The following SHB variants were observed in gnomAD, a reference collection of about 807,000 sequenced individuals.
SHB encodes the protein SH2 domain containing adaptor protein B.
A neutral mutation model predicts 52.3 loss-of-function variants in SHB; 20 were observed. The observed-to-expected ratio is 0.38, with a 90% CI of 0.27 to 0.56. The LOEUF is 0.56. Among genes scored for constraint, SHB ranks in the 20% least tolerant of loss-of-function variants. The probability of loss-of-function intolerance (pLI) is 0.71; values close to 1 mark genes in which losing one functional copy is unlikely to be tolerated. For synonymous variants in SHB, 397 were observed against 316.5 expected, an observed-to-expected ratio of 1.25 and a Z score of -2.70; for missense variants, 825 against 723.3, an observed-to-expected ratio of 1.14 and a Z score of -1.61.
At chr9:37,929,726 G>A (rs1158713967) in intron 5 of SHB, among the ~76,000 whole-genome samples, 4 of 152,228 alleles carry the variant, frequency 2.6e-5, no homozygotes, top group Non-Finnish European at 5.9e-5. Context: ...GGCGTTTACT[G>A]CCCTGAGATC....
chr9:37,966,739 T>G (rs2117945940), intron 3 of SHB, among the ~76,000 whole-genome samples: 1 of 152,200 alleles, frequency 6.6e-6, no homozygotes, highest in Admixed American at 6.5e-5. Context: ...GGACAGGTGG[T>G]GGTGGTGGCC....
At chr9:37,935,496 C>T (rs544561404) in intron 5 of SHB, among the ~76,000 whole-genome samples, 10 of 152,282 alleles carry the variant, frequency 6.6e-5, no homozygotes, top group Admixed American at 1.3e-4. Context: ...GCTATGGCCA[C>T]AGGTGAGCCC....
At chr9:38,063,593 C>A (rs1191574364) in intron 1 of SHB, among the ~76,000 whole-genome samples, 1 of 152,208 alleles carries the variant, frequency 6.6e-6, no homozygotes, top group Non-Finnish European at 1.5e-5. Flanking sequence ...AAGTTCAGGC[C>A]CTCCCAACCC....
chr9:37,999,631 T>A (rs1017045277), intron 2 of SHB, among the ~76,000 whole-genome samples: 3 of 152,098 alleles, frequency 2.0e-5, no homozygotes, highest in Admixed American at 6.5e-5. Flanking sequence ...TGACAGAGAC[T>A]GGGGACAAAC....
chr9:37,943,217 G>A (rs1462406532), intron 5 of SHB, among the ~76,000 whole-genome samples: 1 of 152,128 alleles, frequency 6.6e-6, no homozygotes, highest in Non-Finnish European at 1.5e-5. Flanking sequence ...TTTAAGACCT[G>A]CTCATCCTTC....
intron 3 of SHB, among the ~76,000 whole-genome samples, chr9:37,971,700 C>T (rs1820591926): frequency 6.6e-6 from 1 of 152,242 alleles, no homozygotes; most frequent in Non-Finnish European, 1.5e-5. Flanking sequence ...ATAACTCAGA[C>T]TGACCGTGAC....
At position 37,963,206 on chromosome 9, in the gene SHB, C is replaced by T. The variant is rs148496180; in HGVS notation, c.1055-7152G>A. Among the ~76,000 whole-genome samples the T allele has an allele frequency of 1.7e-3, 256 of 152,298 alleles. 1 individual carries two copies. Among genetic ancestry groups the T allele is most frequent in the Admixed American group, 2.6e-3 (40 of 15,292 alleles). ...GGGGGTCATTCAAAGAGAACTGGAA[C>T]GGAGCAACAGGACCCAGAGGAGACT... On this transcript the variant is annotated intron_variant, in intron 3 of 5. Transcript: ENST00000377707.
At chr9:38,063,773 G>A (rs942056943) in intron 1 of SHB, among the ~76,000 whole-genome samples, 1 of 148,350 alleles carries the variant, frequency 6.7e-6, no homozygotes, top group Non-Finnish European at 1.5e-5. Context: ...CTAGCAGGCA[G>A]TTTAGAAACT....
intron 3 of SHB, among the ~76,000 whole-genome samples, chr9:37,973,011 G>C (rs1820609823): frequency 6.6e-6 from 1 of 152,216 alleles, no homozygotes; most frequent in South Asian, 2.1e-4. Flanking sequence ...TAAACTCTGA[G>C]ATACCTAAAC....
chr9:38,023,355 G>T (rs146490194), intron 1 of SHB, among the ~76,000 whole-genome samples: 1 of 152,290 alleles, frequency 6.6e-6, no homozygotes, highest in East Asian at 1.9e-4. Context: ...CATAAACGTT[G>T]TAAGGAGCAA....
At chr9:37,947,712 C>T (rs543133211) in intron 5 of SHB, among the ~76,000 whole-genome samples, 27 of 152,320 alleles carry the variant, frequency 1.8e-4, no homozygotes, top group Middle Eastern at 6.8e-3. Context: ...TCTACAGGGC[C>T]GGCATGTGTG....
chr9:38,004,764 G>A (rs1373466919), intron 2 of SHB, among the ~76,000 whole-genome samples: 2 of 152,216 alleles, frequency 1.3e-5, no homozygotes, highest in Non-Finnish European at 2.9e-5. Flanking sequence ...CAGCGTCCAC[G>A]CAGAGACTCG....
rs1171185224 is a variant in SHB, at chr9:37,916,957, G to A, written c.*2864C>T. On this transcript the variant is annotated 3_prime_UTR_variant, in exon 6 of 6. Coordinates refer to ENST00000377707, the MANE Select transcript of SHB (RefSeq NM_003028.3). ...GGTTCTCAGACAAAATGCCGAGGGCGCGACGTTGTGTGGCAGGAGCTTTTC... is the reference window on the plus strand; with the variant it reads ...GGTTCTCAGACAAAATGCCGAGGGCACGACGTTGTGTGGCAGGAGCTTTTC... Among the ~76,000 whole-genome samples, 4 of 151,982 alleles carry A rather than the reference G, an allele frequency of 2.6e-5. No homozygotes were observed. The highest frequency in any genetic ancestry group is 4.8e-5 in the African/African-American group (2 of 41,372).
At chr9:37,943,073 C>T (rs1832452958) in intron 5 of SHB, among the ~76,000 whole-genome samples, 1 of 152,186 alleles carries the variant, frequency 6.6e-6, no homozygotes, top group Admixed American at 6.5e-5. Context: ...CCCGACCCCT[C>T]CACCTGGTGA....
chr9:37,966,293 CTTTG>C (rs1820519243), intron 3 of SHB, among the ~76,000 whole-genome samples: 1 of 152,200 alleles, frequency 6.6e-6, no homozygotes, highest in Non-Finnish European at 1.5e-5. Context: ...TCTATCAAAT[CTTTG>C]TTTTTTTTCC....
At chr9:37,955,833 A>C (rs1832624101) in intron 4 of SHB, 50 bp downstream of exon 4, 6 of 1,570,154 alleles carry the variant, frequency 3.8e-6, no homozygotes, top group African/African-American at 1.4e-5. Flanking sequence ...GAGAGGGCAA[A>C]AACTAGGTGA....
At chr9:37,961,954 C>G (rs1406082760) in intron 3 of SHB, among the ~76,000 whole-genome samples, 1 of 152,204 alleles carries the variant, frequency 6.6e-6, no homozygotes, top group Non-Finnish European at 1.5e-5. Context: ...ATGAATGGCC[C>G]GTGGCTGAAA....
At chr9:37,949,273 A>G (rs533834685) in intron 4 of SHB, among the ~76,000 whole-genome samples, 1 of 151,868 alleles carries the variant, frequency 6.6e-6, no homozygotes, top group East Asian at 1.9e-4. Flanking sequence ...GGCGCCTGTA[A>G]TCCCAGCTAC....
rs140110464 is a variant in SHB at position 38,018,145 on chromosome 9, G to A, written c.718-2014C>T. ...TCCCCTGGAAAACAAAATCATTTGG[G>A]GGGATTTGCTGGCGGGGTGGGAGAG... On this transcript the variant is annotated intron_variant, in intron 1 of 5. Coordinates refer to ENST00000377707, the MANE Select transcript of SHB (RefSeq NM_003028.3). 1.6e-3 allele frequency among the ~76,000 whole-genome samples: 245 copies of A among 152,268 alleles called. 1 individual carries two copies. Among genetic ancestry groups the A allele is most frequent in the Non-Finnish European group, 1.9e-3 (132 of 68,012 alleles).
Sources: allele counts gnomAD v4.1 joint callset (sites outside exome capture counted in the v4.1 genomes callset), GRCh38; gene constraint gnomAD v4.1.1; transcripts MANE v1.5; gene names NCBI Gene and HGNC (gene_info 2026-07-23, HGNC 2026-07-21).